Variants in CCDC88A observed in about 807,000 individuals in gnomAD.
CCDC88A encodes coiled-coil and HOOK domain protein 88A.
CCDC88A carries 54 observed loss-of-function variants against 234.3 expected under a neutral mutation model. The observed-to-expected ratio is 0.23, with a 90% confidence interval of 0.19 to 0.29. The LOEUF (loss-of-function observed/expected upper bound fraction) is 0.29, where lower values mean the gene tolerates loss of function less well. CCDC88A is among the 10% of genes least tolerant of loss of function. CCDC88A has a pLI of 1.00. For synonymous variants in CCDC88A, 753 were observed against 737.8 expected, an observed-to-expected ratio of 1.02 and a Z score of -0.33; for missense variants, 1,832 against 2,123.4, an observed-to-expected ratio of 0.86 and a Z score of 2.70.
rs1679904161 is a variant in CCDC88A at position 55,295,332 on chromosome 2, T to C, written c.5551+265A>G. The C allele has an allele frequency of 4.0e-6, 6 of 1,497,808 alleles. No homozygotes were observed. The East Asian group carries it at 1.4e-4, about 35-fold the overall frequency. The allele number at this position is 1,497,808 out of a possible 1,614,324, so 92.8% of individuals were successfully genotyped here. Reference sequence around the variant, plus strand: ...ACTTATGTTACTAACTAATTCTGTATTCAGGGATAAGAATGGCTGAGATGA... The same window carrying C: ...ACTTATGTTACTAACTAATTCTGTACTCAGGGATAAGAATGGCTGAGATGA... On this transcript the variant is annotated intron_variant, in intron 31 of 32. Transcript: ENST00000436346.
At chr2:55,319,103 G>T in intron 18 of CCDC88A, 99 bp from the exon 19 acceptor site, 1 of 924,824 alleles carries the variant, frequency 1.1e-6, no homozygotes, top group Non-Finnish European at 1.5e-6. Context: ...GTATTTATTA[G>T]CATTATAATC....
At position 55,288,769 on chromosome 2, in the gene CCDC88A, A is replaced by G. The variant is rs746050822; in HGVS notation, c.*2431T>C. ...GGGGTTAGGTGTTGATTTAGAATAC[A>G]GCCAGATAATTTAAAGCATGTCAGG... On this transcript the variant is annotated 3_prime_UTR_variant, in exon 33 of 33. Coordinates refer to ENST00000436346, the MANE Select transcript of CCDC88A (RefSeq NM_001365480.1). The G allele has an allele frequency of 6.6e-6, 1 of 152,214 alleles. No homozygotes were observed. Among genetic ancestry groups the G allele is most frequent in the African/African-American group, 2.4e-5 (1 of 41,464 alleles). 9.4% of individuals were successfully genotyped at this position (152,214 alleles called of 1,614,324 possible). A position where few individuals can be genotyped will look rare whatever the true frequency, so the allele number is the denominator to read the frequency against.
chr2:55,334,165 G>C lies in CCDC88A; in HGVS notation c.2656C>G (p.Leu886Val). 2 of 1,357,854 alleles carry C rather than the reference G, an allele frequency of 1.5e-6. No individual in the cohort carries two copies. The highest frequency in any genetic ancestry group is 1.9e-6 in the Non-Finnish European group (2 of 1,051,116). The allele number at this position is 1,357,854 out of a possible 1,614,324, so 84.1% of individuals were successfully genotyped here. Residue 886 changes from leucine (L) to valine (V), a missense_variant, in exon 15 of 33, where the codon CTA (leucine) becomes GTA (valine). Coordinates refer to ENST00000436346, the MANE Select transcript of CCDC88A (RefSeq NM_001365480.1). The surrounding 1 kb of genome is among the most constrained non-coding windows in gnomAD (Gnocchi z 6.1). ...YKESCVRLKE[L>V]EKENKELVKR... Reference sequence around the variant, plus strand: ...ACAAGCTCCTTATTTTCTTTTTCTAGTTCTTTCAGACGGACACAAGATTCT... The same window carrying C: ...ACAAGCTCCTTATTTTCTTTTTCTACTTCTTTCAGACGGACACAAGATTCT...
chr2:55,388,610 T>C, intron 3 of CCDC88A, 168 bp downstream of exon 3: 1 of 394,136 alleles, frequency 2.5e-6, no homozygotes, highest in Non-Finnish European at 4.5e-6. Flanking sequence ...TGCTTAAGCC[T>C]TTAACATTCA....
At chr2:55,303,019 GA>G in intron 26 of CCDC88A, 49 bp downstream of exon 26, 1 of 1,152,010 alleles carries the variant, frequency 8.7e-7, no homozygotes. Flanking sequence ...AATTAGTAAT[GA>G]AAGCCAGTGT....
At chr2:55,298,172 G>C (rs1680421304) in intron 29 of CCDC88A, among the ~76,000 whole-genome samples, 1 of 152,082 alleles carries the variant, frequency 6.6e-6, no homozygotes, top group Non-Finnish European at 1.5e-5. Context: ...CATCAAAACA[G>C]AAAATGCAAC....
intron 5 of CCDC88A, among the ~76,000 whole-genome samples, chr2:55,367,059 A>G (rs1172240225): frequency 1.3e-5 from 2 of 152,216 alleles, no homozygotes; most frequent in African/African-American, 4.8e-5. Flanking sequence ...AAATAATGGA[A>G]TATTATTCAG....
chr2:55,353,337 T>C (rs997559444), intron 8 of CCDC88A, among the ~76,000 whole-genome samples: 71 of 152,208 alleles, frequency 4.7e-4, no homozygotes, highest in Non-Finnish European at 1.3e-4. Flanking sequence ...TAGTGTTCAC[T>C]ATTTAGACTA....
At chr2:55,338,128 T>C (rs1668033490) in intron 13 of CCDC88A, among the ~76,000 whole-genome samples, 1 of 152,194 alleles carries the variant, frequency 6.6e-6, no homozygotes, top group Non-Finnish European at 1.5e-5. Context: ...AGAATTTACA[T>C]ATTAAACTTC....
At chr2:55,362,564 C>A in intron 6 of CCDC88A, 116 bp from the exon 7 acceptor site, 7 of 720,066 alleles carry the variant, frequency 9.7e-6, no homozygotes, top group Non-Finnish European at 1.5e-5. Context: ...ATATGAAAAG[C>A]CAATATGATG....
chr2:55,347,057 A>G (rs1346981988), intron 9 of CCDC88A, among the ~76,000 whole-genome samples: 2 of 152,186 alleles, frequency 1.3e-5, no homozygotes, highest in Non-Finnish European at 2.9e-5. Context: ...GATGGTAAAA[A>G]TACAGAAAAG....
intron 3 of CCDC88A, among the ~76,000 whole-genome samples, chr2:55,386,459 G>GTATTTTATTTTATTT (rs70954113): frequency 0.063 from 9,189 of 145,724 alleles, 698 homozygotes; most frequent in East Asian, 0.4. Flanking sequence ...TTTGTAGATT[G>GTATTTTATTTTATTT]TATTTTATTT....
chr2:55,295,608 G>T lies in CCDC88A; in HGVS notation c.5540C>A (p.Thr1847Asn). Residue 1847 changes from threonine to asparagine, a missense_variant, in exon 31 of 33, where the codon ACT becomes AAT. Coordinates refer to ENST00000436346, the MANE Select transcript of CCDC88A (RefSeq NM_001365480.1). ...SPPAAADSNT[T>N]AASNVDKVQE... ...TAAATGGTACTCACTAGATGCTGCA[G>T]TGGTGTTGCTGTCAGCAGCAGCTGG... 2 of 1,614,174 alleles carry T rather than the reference G, an allele frequency of 1.2e-6. No individual in the cohort carries two copies. The highest frequency in any genetic ancestry group is 1.7e-6 in the Non-Finnish European group (2 of 1,180,020).
intron 9 of CCDC88A, chr2:55,349,152 A>G (rs1195899834): frequency 5.7e-6 from 1 of 174,504 alleles, no homozygotes; most frequent in African/African-American, 2.4e-5. Flanking sequence ...CATATGAGTT[A>G]GCATAAAGCA....
At chr2:55,327,010 G>C (rs181739254) in intron 17 of CCDC88A, among the ~76,000 whole-genome samples, 13 of 152,222 alleles carry the variant, frequency 8.5e-5, no homozygotes, top group Admixed American at 7.9e-4. Flanking sequence ...AAAAAATTCA[G>C]GACAACAAGC....
At chr2:55,296,649 A>G (rs766851906) in intron 29 of CCDC88A, 126 bp from the exon 30 acceptor site, 5 of 837,884 alleles carry the variant, frequency 6.0e-6, no homozygotes, top group Non-Finnish European at 9.4e-6. Context: ...AGCTTTATTT[A>G]GAAATGCTTA....
chr2:55,302,793 G>T, intron 26 of CCDC88A: 1 of 226,538 alleles, frequency 4.4e-6, no homozygotes. Flanking sequence ...ATAAAATAAA[G>T]GGTTTTTTTC....
chr2:55,308,556 T>C (rs1574044310), intron 25 of CCDC88A: 2 of 403,024 alleles, frequency 5.0e-6, no homozygotes, highest in Non-Finnish European at 4.4e-6. Context: ...GTGGCAGAGG[T>C]ATTCCAGCTC....
At chr2:55,296,747 C>A (rs1680072767) in intron 29 of CCDC88A, 1 of 543,910 alleles carries the variant, frequency 1.8e-6, no homozygotes, top group African/African-American at 1.9e-5. Flanking sequence ...ATTGTAAGCT[C>A]CATAAGGGCA....
Sources: allele counts gnomAD v4.1 joint callset (sites outside exome capture counted in the v4.1 genomes callset), GRCh38; gene constraint gnomAD v4.1.1; non-coding constraint Gnocchi (gnomAD v3.1); transcripts MANE v1.5; gene names NCBI Gene and HGNC (gene_info 2026-07-23, HGNC 2026-07-21).